SPATA7: variants seen among roughly 807,000 people sequenced by gnomAD.
SPATA7 encodes spermatogenesis associated 7, also known as spermatogenesis-associated protein 7.
In SPATA7, 43 loss-of-function variants were observed where a neutral mutation model predicts 51.8. The ratio of observed to expected loss-of-function variants is 0.83; its 90% CI spans 0.65 to 1.07. The LOEUF is 1.07. Ranked by LOEUF, SPATA7 falls within the 50% of genes least tolerant of loss-of-function variation. The pLI, the probability that SPATA7 is intolerant of heterozygous loss-of-function variation, is 0.00. For synonymous variants in SPATA7, 230 were observed against 252.8 expected, an observed-to-expected ratio of 0.91 and a Z score of 0.86; for missense variants, 683 against 701.3, an observed-to-expected ratio of 0.97 and a Z score of 0.30.
downstream of SPATA7, among the ~76,000 whole-genome samples, chr14:88,459,361 C>G (rs138202095): frequency 4.0e-3 from 613 of 152,282 alleles, 8 homozygotes; most frequent in African/African-American, 0.013. Context: ...GAGTCTAAGT[C>G]TCTTTGTAAG....
At chr14:88,392,271 T>G (rs1012325934) in intron 2 of SPATA7, among the ~76,000 whole-genome samples, 1 of 152,154 alleles carries the variant, frequency 6.6e-6, no homozygotes, top group Non-Finnish European at 1.5e-5. Context: ...AAGAACAATA[T>G]GTAAAGTTTG....
rs548850986 is a variant in SPATA7 at position 88,468,127 on chromosome 14, T to C, written c.255-1720T>C. On this transcript the variant is annotated intron_variant, in intron 4 of 4. Coordinates refer to the SPATA7 transcript ENST00000556406. ...TTCACATGACTGGCCCCGTAAGAAA[T>C]TGTGGGAGCTTAGATGAGCCTGGAG... The C allele has an allele frequency of 6.6e-5, 106 of 1,613,702 alleles. No homozygotes were observed. In the South Asian group the frequency reaches 8.2e-4, roughly 13 times the overall value.
At chr14:88,412,343 G>T (rs372999377) in intron 4 of SPATA7, among the ~76,000 whole-genome samples, 1 of 151,656 alleles carries the variant, frequency 6.6e-6, no homozygotes, top group Non-Finnish European at 1.5e-5. Context: ...TGATCACAAG[G>T]TCCCACAATA....
chr14:88,463,074 T>C (rs1346194832), intron 4 of SPATA7, among the ~76,000 whole-genome samples: 1 of 152,208 alleles, frequency 6.6e-6, no homozygotes, highest in African/African-American at 2.4e-5. Context: ...TTAATTTTAC[T>C]TGTATGTGAC....
At chr14:88,393,578 C>T (rs1250714247) in intron 3 of SPATA7, 90 bp downstream of exon 3, 3 of 924,840 alleles carry the variant, frequency 3.2e-6, no homozygotes, top group East Asian at 2.7e-5. Context: ...AAAATGAATA[C>T]CTTATATATA....
chr14:88,394,268 G>C (rs2075822101), intron 3 of SPATA7, among the ~76,000 whole-genome samples: 2 of 152,054 alleles, frequency 1.3e-5, no homozygotes, highest in African/African-American at 2.4e-5. Context: ...GCCAACCCTT[G>C]ATATAGAAAA....
intron 4 of SPATA7, among the ~76,000 whole-genome samples, chr14:88,415,051 T>C (rs1482200629): frequency 1.3e-5 from 2 of 152,206 alleles, no homozygotes; most frequent in Non-Finnish European, 2.9e-5. Flanking sequence ...TGGAGTATTC[T>C]TCTGTAGATG....
In SPATA7 at chr14:88,416,851, T is replaced by G. The variant is rs746642029; in HGVS notation, c.372+7T>G. On this transcript the variant is annotated splice_region_variant and intron_variant, in intron 5 of 11. Transcript: ENST00000393545. ...TTTTAATACCTTACAAAAGGTAAGA[T>G]AGTATTTTTATTTTTTAAAAGCAAA... is the stretch of plus-strand genomic sequence containing the variant. 7 of 1,571,664 alleles carry G rather than the reference T, an allele frequency of 4.5e-6. No individual in the cohort carries two copies. In the Admixed American group the frequency reaches 1.2e-4, roughly 27 times the overall value.
At chr14:88,460,675 A>T (rs1349776681) in intron 4 of SPATA7, among the ~76,000 whole-genome samples, 1 of 152,096 alleles carries the variant, frequency 6.6e-6, no homozygotes, top group Admixed American at 6.6e-5. Context: ...TAGCTCAGAG[A>T]AGTTTGATCG....
chr14:88,442,857 T>A (rs949644154), downstream of SPATA7, among the ~76,000 whole-genome samples: 3 of 152,154 alleles, frequency 2.0e-5, no homozygotes, highest in African/African-American at 7.2e-5. Flanking sequence ...GTCCATAGGA[T>A]TGGTACCAAT....
intron 3 of SPATA7, among the ~76,000 whole-genome samples, chr14:88,445,747 G>A (rs370518751): frequency 4.5e-4 from 69 of 152,304 alleles, no homozygotes; most frequent in African/African-American, 1.5e-3. Context: ...AGATAATCAT[G>A]TGTTTTTTGT....
chr14:88,439,005 G>T (rs530765821), downstream of SPATA7, among the ~76,000 whole-genome samples: 1 of 152,290 alleles, frequency 6.6e-6, no homozygotes, highest in East Asian at 1.9e-4. Flanking sequence ...GGGTGTGAAT[G>T]CCAGAACACA....
At chr14:88,415,153 G>A in intron 4 of SPATA7, 1 of 231,746 alleles carries the variant, frequency 4.3e-6, no homozygotes, top group South Asian at 5.3e-5. Flanking sequence ...ACTGCCAGTG[G>A]GATGTTGAAG....
At chr14:88,437,806 A>G in intron 11 of SPATA7, 32 bp from the exon 12 acceptor site, 1 of 1,556,658 alleles carries the variant, frequency 6.4e-7, no homozygotes. Context: ...GACTCAATTA[A>G]TGTAATTAGT....
chr14:88,464,128 C>T (rs1325651347), intron 4 of SPATA7, among the ~76,000 whole-genome samples: 1 of 152,052 alleles, frequency 6.6e-6, no homozygotes, highest in African/African-American at 2.4e-5. Flanking sequence ...GGGTGAGCCA[C>T]CACGACCGGC....
chr14:88,463,933 T>C (rs993162856), intron 4 of SPATA7, among the ~76,000 whole-genome samples: 2 of 152,000 alleles, frequency 1.3e-5, no homozygotes, highest in Non-Finnish European at 2.9e-5. Context: ...CTGCAACCTC[T>C]GCCTCCTGGG....
chr14:88,416,772 C>A lies in SPATA7; in HGVS notation c.300C>A (p.Phe100Leu). 6.2e-7 allele frequency: 1 copy of A among 1,612,360 alleles called. No individual in the cohort carries two copies. The highest frequency in any genetic ancestry group is 8.5e-7 in the Non-Finnish European group (1 of 1,178,700). The change falls in exon 5 of 12, where the codon TTC becomes TTA. Residue 100 changes from phenylalanine (F) to leucine (L), a missense_variant. Transcript: ENST00000393545. ...AATTAGCACAATGTGAAAAAGAGTT[C>A]AAATTAACTAAAACTGCAATGCGAG... The part of the protein sequence containing the change: ...KKELAQCEKE[F>L]KLTKTAMRAN...
chr14:88,463,763 T>C (rs1172017286), intron 4 of SPATA7, among the ~76,000 whole-genome samples: 1 of 152,200 alleles, frequency 6.6e-6, no homozygotes, highest in African/African-American at 2.4e-5. Context: ...ATCCAAGGAC[T>C]TCAAATGTTT....
intron 5 of SPATA7, among the ~76,000 whole-genome samples, chr14:88,421,926 C>T (rs1466565054): frequency 9.8e-5 from 14 of 143,426 alleles, no homozygotes; most frequent in African/African-American, 2.9e-4. Flanking sequence ...CCAGCCTGGG[C>T]GACAGAGCGA....
Sources: allele counts gnomAD v4.1 joint callset (sites outside exome capture counted in the v4.1 genomes callset), GRCh38; gene constraint gnomAD v4.1.1; transcripts MANE v1.5; gene names NCBI Gene and HGNC (gene_info 2026-07-23, HGNC 2026-07-21).